The following TMEM71 variants were observed in gnomAD, a reference collection of about 807,000 sequenced individuals.
TMEM71 encodes the protein transmembrane protein 71.
TMEM71 carries 44 observed loss-of-function variants against 38.0 expected under a neutral mutation model. The ratio of observed to expected loss-of-function variants is 1.16; its 90% CI spans 0.91 to 1.49. TMEM71 has a LOEUF of 1.49. Among genes scored for constraint, TMEM71 ranks in the 40% most tolerant of loss-of-function variants. The pLI is 0.00. For synonymous variants in TMEM71, 133 were observed against 122.5 expected, an observed-to-expected ratio of 1.09 and a Z score of -0.56; for missense variants, 367 against 348.6, an observed-to-expected ratio of 1.05 and a Z score of -0.42.
rs1427048457 is a variant in TMEM71, at chr8:132,718,391, A to T, written c.752+3649T>A. 8.9e-4 allele frequency among the ~76,000 whole-genome samples: 117 copies of T among 132,160 alleles called. 2 individuals are homozygous for T. In the South Asian group the frequency reaches 0.027, roughly 30 times the overall value. The allele number at this position is 132,160 out of a possible 152,430, so 86.7% of individuals were successfully genotyped here. Reference sequence around the variant, plus strand: ...CATTATGGAATCTCCCTACCTGGGGATTTTCTCTTTTTTTTTTTTTTTTTG... The same window carrying T: ...CATTATGGAATCTCCCTACCTGGGGTTTTTCTCTTTTTTTTTTTTTTTTTG... On this transcript the variant is annotated intron_variant, in intron 7 of 9. Coordinates refer to ENST00000677595, the MANE Select transcript of TMEM71 (RefSeq NM_001382403.1).
chr8:132,726,851 C>CTTTT (rs766951516), intron 6 of TMEM71, among the ~76,000 whole-genome samples: 2,932 of 147,544 alleles, frequency 0.02, 112 homozygotes, highest in African/African-American at 0.071. Context: ...TCTTCTTCTT[C>CTTTT]TTCTTTTTTT....
chr8:132,707,994 T>C (rs926223991), downstream of TMEM71, among the ~76,000 whole-genome samples: 1 of 152,182 alleles, frequency 6.6e-6, no homozygotes, highest in Non-Finnish European at 1.5e-5. Context: ...ATTTACTGAA[T>C]GTATTAATAA....
At chr8:132,748,503 T>G (rs1338585601) in intron 4 of TMEM71, among the ~76,000 whole-genome samples, 1 of 152,210 alleles carries the variant, frequency 6.6e-6, no homozygotes, top group Non-Finnish European at 1.5e-5. Flanking sequence ...CTGCTTTATT[T>G]GAACTCTCTC....
chr8:132,722,143 T>C lies in TMEM71; in HGVS notation c.677-28A>G, dbSNP rs1193560791. On this transcript the variant is annotated intron_variant, in intron 6 of 9. Coordinates refer to ENST00000677595, the MANE Select transcript of TMEM71 (RefSeq NM_001382403.1). ...AATAGGAAGAACAAAAACAAATAAA[T>C]TAGAAATCATTGCTGATTCAATCAT... 3.3e-6 allele frequency: 5 copies of C among 1,527,686 alleles called. No individual in the cohort carries two copies. The South Asian group carries it at 5.6e-5, about 17-fold the overall frequency. 94.6% of individuals were successfully genotyped at this position (1,527,686 alleles called of 1,614,324 possible). A position where few individuals can be genotyped will look rare whatever the true frequency, so the allele number is the denominator to read the frequency against.
At chr8:132,766,112 C>T in the TMEM71 span, among the ~76,000 whole-genome samples, 2 of 152,138 alleles carry the variant, frequency 1.3e-5, no homozygotes, top group Admixed American at 6.5e-5. Flanking sequence ...CCTGTGTTAA[C>T]TGCAAGTTGG....
At chr8:132,757,655 C>A (rs1829100834) in intron 2 of TMEM71, among the ~76,000 whole-genome samples, 1 of 151,934 alleles carries the variant, frequency 6.6e-6, no homozygotes, top group African/African-American at 2.4e-5. Flanking sequence ...GACACCCCGT[C>A]TTTACTAAAA....
intron 2 of TMEM71, 60 bp downstream of exon 2, chr8:132,758,780 T>C: frequency 6.8e-7 from 1 of 1,463,722 alleles, no homozygotes; most frequent in Admixed American, 1.7e-5. Context: ...GCAAGGAAAT[T>C]GCTAAAAGGA....
intron 5 of TMEM71, among the ~76,000 whole-genome samples, chr8:132,743,484 A>G (rs1172608628): frequency 6.6e-6 from 1 of 152,122 alleles, no homozygotes; most frequent in Non-Finnish European, 1.5e-5. Context: ...CAGGAATTTC[A>G]TTACACAGCA....
At chr8:132,740,594 C>T (rs1037380196) in intron 5 of TMEM71, among the ~76,000 whole-genome samples, 2 of 152,190 alleles carry the variant, frequency 1.3e-5, no homozygotes, top group African/African-American at 4.8e-5. Flanking sequence ...AAATGAATTA[C>T]AGCAGAGTGA....
intron 5 of TMEM71, among the ~76,000 whole-genome samples, chr8:132,745,659 C>G (rs1828297111): frequency 6.6e-6 from 1 of 152,072 alleles, no homozygotes; most frequent in Non-Finnish European, 1.5e-5. Context: ...ATCCAGCAAT[C>G]CCATTACTAT....
At chr8:132,760,089 T>C (rs75882095) in intron 1 of TMEM71, among the ~76,000 whole-genome samples, 3,528 of 152,142 alleles carry the variant, frequency 0.023, 149 homozygotes, top group African/African-American at 0.082. Flanking sequence ...AGCCTATAAA[T>C]CCTGCAGCAA....
At position 132,750,132 on chromosome 8, in the gene TMEM71, C is replaced by T. The variant is rs1220765121; in HGVS notation, c.314+1653G>A. 9.9e-5 allele frequency among the ~76,000 whole-genome samples: 15 copies of T among 152,120 alleles called. No homozygotes were observed. In the South Asian group the frequency reaches 2.5e-3, roughly 25 times the overall value. On this transcript the variant is annotated intron_variant, in intron 4 of 9. Coordinates refer to ENST00000677595, the MANE Select transcript of TMEM71 (RefSeq NM_001382403.1). ...ACCTATACCATCTTATCCTGACTGA[C>T]TGACTAAAATGGATGTAGGAATAAA...
At chr8:132,731,873 A>G (rs183030016) in intron 5 of TMEM71, among the ~76,000 whole-genome samples, 34 of 152,340 alleles carry the variant, frequency 2.2e-4, no homozygotes, top group Admixed American at 1.7e-3. Flanking sequence ...CTGGAACATA[A>G]AATGACTAAG....
At chr8:132,716,434 G>A (rs1826537627) in intron 7 of TMEM71, among the ~76,000 whole-genome samples, 1 of 152,176 alleles carries the variant, frequency 6.6e-6, no homozygotes, top group South Asian at 2.1e-4. Context: ...TATTTTGTCT[G>A]TAAAAAAGCT....
At chr8:132,764,959 A>G (rs1829344953), upstream of TMEM71, among the ~76,000 whole-genome samples, 1 of 152,232 alleles carries the variant, frequency 6.6e-6, no homozygotes, top group African/African-American at 2.4e-5. Context: ...TCTGCCACAC[A>G]TAGCACACAA....
At chr8:132,731,039 A>G (rs888330047) in intron 5 of TMEM71, among the ~76,000 whole-genome samples, 2 of 152,232 alleles carry the variant, frequency 1.3e-5, no homozygotes, top group Non-Finnish European at 2.9e-5. Context: ...CTTTGGCATC[A>G]GAAAGACTGA....
chr8:132,765,935 C>T, the TMEM71 span, among the ~76,000 whole-genome samples: 1 of 151,920 alleles, frequency 6.6e-6, no homozygotes, highest in Admixed American at 6.6e-5. Context: ...ATTACAGGCA[C>T]CCGCCACCAG....
At chr8:132,745,931 C>A (rs2433066) in intron 5 of TMEM71, among the ~76,000 whole-genome samples, 44,654 of 149,792 alleles carry the variant, frequency 0.3, 6,837 homozygotes, top group Non-Finnish European at 0.33. Flanking sequence ...AAACCAAATA[C>A]CCTATGTTCT....
intron 5 of TMEM71, among the ~76,000 whole-genome samples, chr8:132,739,203 A>G (rs1827907036): frequency 6.6e-6 from 1 of 152,248 alleles, no homozygotes; most frequent in African/African-American, 2.4e-5. Context: ...TATGAGGGAC[A>G]TGATGGATTT....
Sources: gnomAD v4.1 joint callset for allele counts (sites outside exome capture counted in the v4.1 genomes callset) on GRCh38, gnomAD v4.1.1 for gene constraint, MANE v1.5 for transcripts, NCBI Gene and HGNC (gene_info 2026-07-23, HGNC 2026-07-21) for gene names.